COG5: variants seen among roughly 807,000 people sequenced by gnomAD.
COG5 encodes component of oligomeric golgi complex 5, also known as conserved oligomeric Golgi complex subunit 5.
In COG5, 86 loss-of-function variants were observed where a neutral mutation model predicts 110.4. That is an observed-to-expected ratio of 0.78 (90% CI 0.65 to 0.93). The LOEUF is 0.93. Ranked by LOEUF, COG5 falls within the 40% of genes least tolerant of loss-of-function variation. COG5 has a pLI of 0.00. For synonymous variants in COG5, 360 were observed against 334.6 expected (o/e 1.08, Z -0.83); for missense variants, 1,077 against 987.0 (o/e 1.09, Z -1.22).
At chr7:107,481,133 A>G (rs980780769) in intron 6 of COG5, among the ~76,000 whole-genome samples, 3 of 152,102 alleles carry the variant, frequency 2.0e-5, no homozygotes, top group Non-Finnish European at 4.4e-5. Context: ...AAGATAAGGG[A>G]GGTGAGCTAA....
At chr7:107,382,895 A>G (rs2129053545) in intron 7 of COG5, among the ~76,000 whole-genome samples, 1 of 152,316 alleles carries the variant, frequency 6.6e-6, no homozygotes, top group East Asian at 1.9e-4. Flanking sequence ...TTTTAGACTA[A>G]CCTTACTTAT....
intron 1 of COG5, among the ~76,000 whole-genome samples, chr7:107,562,467 T>C (rs1803914974): frequency 6.6e-6 from 1 of 152,214 alleles, no homozygotes. Context: ...TGCTCTACTT[T>C]ATATGCAATC....
At chr7:107,514,191 C>T (rs866800579) in intron 6 of COG5, among the ~76,000 whole-genome samples, 1 of 151,912 alleles carries the variant, frequency 6.6e-6, no homozygotes, top group South Asian at 2.1e-4. Context: ...TCTATCATAT[C>T]CAATTGCTTG....
intron 11 of COG5, among the ~76,000 whole-genome samples, chr7:107,313,339 A>C (rs532003210): frequency 6.6e-6 from 1 of 152,298 alleles, no homozygotes; most frequent in Admixed American, 6.5e-5. Flanking sequence ...CTCTATATAC[A>C]CAACTGGAAT....
chr7:107,366,451 ACATTCAATATAC>A (rs573620419), intron 8 of COG5, among the ~76,000 whole-genome samples: 286 of 152,274 alleles, frequency 1.9e-3, no homozygotes, highest in African/African-American at 6.5e-3. Context: ...GAACAGGAAA[ACATTCAATATAC>A]AATGGAAGAA....
chr7:107,317,094 A>G (rs1278059356), intron 11 of COG5, among the ~76,000 whole-genome samples: 3 of 152,098 alleles, frequency 2.0e-5, no homozygotes, highest in Non-Finnish European at 4.4e-5. Flanking sequence ...CTGAAACAAC[A>G]AAAAATACAC....
chr7:107,252,034 T>C (rs756400553), intron 16 of COG5, among the ~76,000 whole-genome samples: 26 of 152,058 alleles, frequency 1.7e-4, no homozygotes, highest in Non-Finnish European at 4.4e-5. Context: ...AAAGAGGTTA[T>C]TCTTATAGGT....
At chr7:107,513,217 C>A (rs928628706) in intron 6 of COG5, among the ~76,000 whole-genome samples, 8 of 152,030 alleles carry the variant, frequency 5.3e-5, no homozygotes, top group Non-Finnish European at 1.2e-4. Flanking sequence ...AACAGACAAC[C>A]CCATCAAAAA....
chr7:107,294,716 T>C (rs1390578893), intron 12 of COG5, among the ~76,000 whole-genome samples: 10 of 80,234 alleles, frequency 1.2e-4, no homozygotes, highest in East Asian at 4.1e-4. Context: ...TTTCTTTCTT[T>C]TTTTTTTTTT....
intron 14 of COG5, among the ~76,000 whole-genome samples, chr7:107,276,935 T>A (rs1021656287): frequency 1.3e-5 from 2 of 152,226 alleles, no homozygotes; most frequent in East Asian, 3.8e-4. Flanking sequence ...AAAGAGCATC[T>A]AGAAAGCTGA....
intron 6 of COG5, among the ~76,000 whole-genome samples, chr7:107,514,640 T>C (rs1229445181): frequency 6.6e-6 from 1 of 152,176 alleles, no homozygotes; most frequent in Non-Finnish European, 1.5e-5. Flanking sequence ...TTTTTACAGA[T>C]ACACCAGATG....
chr7:107,376,076 C>T (rs557600040), intron 7 of COG5, among the ~76,000 whole-genome samples: 3 of 152,088 alleles, frequency 2.0e-5, no homozygotes, highest in Admixed American at 1.3e-4. Context: ...AAAAATCACC[C>T]GCACTCCCGA....
intron 5 of COG5, among the ~76,000 whole-genome samples, chr7:107,533,080 G>A (rs138558348): frequency 7.9e-5 from 12 of 151,844 alleles, no homozygotes; most frequent in African/African-American, 2.4e-4. Context: ...CTGCAGCAGA[G>A]GGGCCTGACT....
chr7:107,248,625 A>C, intron 16 of COG5, 126 bp from the exon 17 acceptor site: 1 of 698,278 alleles, frequency 1.4e-6, no homozygotes, highest in Non-Finnish European at 2.5e-6. Context: ...AGACTAAGTT[A>C]ACAGAAGTCT....
intron 6 of COG5, among the ~76,000 whole-genome samples, chr7:107,451,517 C>G (rs1432069995): frequency 3.3e-5 from 5 of 152,204 alleles, no homozygotes; most frequent in African/African-American, 1.2e-4. Context: ...AAAAGTCAGA[C>G]AGAAATTGCC....
intron 6 of COG5, among the ~76,000 whole-genome samples, chr7:107,522,946 G>A (rs1382214412): frequency 6.6e-6 from 1 of 152,082 alleles, no homozygotes; most frequent in African/African-American, 2.4e-5. Context: ...ATCAGGTAGG[G>A]TTATTCCTCC....
chr7:107,270,128 C>G (rs79603631), intron 14 of COG5, among the ~76,000 whole-genome samples: 4,172 of 152,236 alleles, frequency 0.027, 179 homozygotes, highest in African/African-American at 0.094. Context: ...ATCACTCCCT[C>G]TGAATACTAA....
intron 1 of COG5, among the ~76,000 whole-genome samples, chr7:107,562,167 T>C (rs1803856189): frequency 6.6e-6 from 1 of 152,234 alleles, no homozygotes; most frequent in African/African-American, 2.4e-5. Flanking sequence ...TAAAGTCATT[T>C]GTTGAGCTTG....
intron 11 of COG5, among the ~76,000 whole-genome samples, chr7:107,313,663 A>G (rs146571604): frequency 0.01 from 1,559 of 152,016 alleles, 26 homozygotes; most frequent in African/African-American, 0.034. Context: ...AAGCAATTAT[A>G]TTACTCCTAC....
Sources: gnomAD v4.1 joint callset for allele counts (sites outside exome capture counted in the v4.1 genomes callset) on GRCh38, gnomAD v4.1.1 for gene constraint, MANE v1.5 for transcripts, NCBI Gene and HGNC (gene_info 2026-07-23, HGNC 2026-07-21) for gene names.